CLIP1: variants seen among roughly 807,000 people sequenced by gnomAD.
CLIP1 encodes CAP-Gly domain containing linker protein 1, also known as CAP-Gly domain-containing linker protein 1.
A neutral mutation model predicts 161.6 loss-of-function variants in CLIP1; 66 were observed. The observed-to-expected ratio is 0.41, with a 90% CI of 0.33 to 0.50. The LOEUF is 0.50. Ranked by LOEUF, CLIP1 falls within the 20% of genes least tolerant of loss-of-function variation. The pLI is 0.27. For synonymous variants in CLIP1, 598 were observed against 626.2 expected (o/e 0.96, Z 0.67); for missense variants, 1,376 against 1,702.0 (o/e 0.81, Z 3.37).
intron 11 of CLIP1, 53 bp downstream of exon 11, chr12:122,340,700 C>A: frequency 7.0e-7 from 1 of 1,424,270 alleles, no homozygotes. Context: ...TAACATAATG[C>A]AAAACAAGAA....
chr12:122,364,566 T>TG (rs1954033065), intron 3 of CLIP1, among the ~76,000 whole-genome samples: 1 of 151,644 alleles, frequency 6.6e-6, no homozygotes, highest in African/African-American at 2.4e-5. Flanking sequence ...CCAAACAGGC[T>TG]ATTTTTTTTT....
At chr12:122,384,648 C>A (rs1955157967) in intron 1 of CLIP1, among the ~76,000 whole-genome samples, 1 of 151,936 alleles carries the variant, frequency 6.6e-6, no homozygotes, top group Non-Finnish European at 1.5e-5. Context: ...GTAATCCCAG[C>A]TACTCAGGAG....
At chr12:122,320,710 C>A (rs992633113) in intron 17 of CLIP1, among the ~76,000 whole-genome samples, 41 of 150,188 alleles carry the variant, frequency 2.7e-4, no homozygotes, top group African/African-American at 7.3e-4. Context: ...GGTGACAGAG[C>A]GAGACTCTTT....
chr12:122,354,663 C>T (rs1953241650), intron 6 of CLIP1, 107 bp from the exon 7 acceptor site: 3 of 787,740 alleles, frequency 3.8e-6, no homozygotes, highest in East Asian at 2.6e-5. Flanking sequence ...GGGCGTTACT[C>T]TAAAACCTTA....
rs781262309 is a variant in CLIP1, at chr12:122,274,136, C to T, written c.3993G>A (p.Val1331=). 6.2e-7 allele frequency: 1 copy of T among 1,600,484 alleles called. No homozygotes were observed. Among genetic ancestry groups the T allele is most frequent in the East Asian group, 2.2e-5 (1 of 44,804 alleles). ...GGTCTTGATTCTTCCTTTGAAGGTCCACTATTACTGAATTTAGGAAATCAA... is the reference window on the plus strand; with the variant it reads ...GGTCTTGATTCTTCCTTTGAAGGTCTACTATTACTGAATTTAGGAAATCAA... The part of the protein sequence containing the change: ...SQIDFLNSVI[V]DLQRKNQDLK... The change falls in exon 25 of 26, where the codon GTG becomes GTA. Residue 1331 remains valine (V), a synonymous_variant. Transcript: ENST00000620786.
intron 20 of CLIP1, among the ~76,000 whole-genome samples, chr12:122,293,509 G>A (rs1198580189): frequency 6.6e-6 from 1 of 150,860 alleles, no homozygotes; most frequent in Non-Finnish European, 1.5e-5. Context: ...ACGGAGTTTC[G>A]CTCTTGTTGC....
chr12:122,399,495 T>C (rs1482976749), intron 1 of CLIP1: 1 of 152,186 alleles, frequency 6.6e-6, no homozygotes, highest in African/African-American at 2.4e-5. Flanking sequence ...GGCATCACGT[T>C]GCCCCAAGAA....
intron 5 of CLIP1, chr12:122,360,705 A>C (rs1953735993): frequency 4.6e-6 from 2 of 430,222 alleles, no homozygotes; most frequent in South Asian, 3.7e-5. Context: ...ATACAGATTC[A>C]CCAAGAACAC....
chr12:122,303,093 T>C (rs892250291), intron 20 of CLIP1, among the ~76,000 whole-genome samples: 1 of 152,230 alleles, frequency 6.6e-6, no homozygotes, highest in Admixed American at 6.5e-5. Context: ...TATTTAGTAG[T>C]CTTGATCTGG....
At chr12:122,397,923 C>G (rs1344368479) in intron 1 of CLIP1, among the ~76,000 whole-genome samples, 3 of 151,590 alleles carry the variant, frequency 2.0e-5, no homozygotes, top group Non-Finnish European at 4.4e-5. Context: ...CCACTGCACT[C>G]CAGCCTGGGC....
At chr12:122,405,150 T>A (rs1447005817) in intron 1 of CLIP1, among the ~76,000 whole-genome samples, 1 of 152,238 alleles carries the variant, frequency 6.6e-6, no homozygotes. Context: ...ATTCCTGTCA[T>A]GACTATTTAT....
In CLIP1 at chr12:122,355,896, A is replaced by C. The variant is rs910203447; in HGVS notation, c.1006-584T>G. The C allele has an allele frequency of 1.3e-5, 2 of 152,478 alleles. No individual in the cohort carries two copies. Among genetic ancestry groups the C allele is most frequent in the African/African-American group, 4.8e-5 (2 of 41,446 alleles). The allele number at this position is 152,478 out of a possible 1,614,324, so 9.4% of individuals were successfully genotyped here. ...CGCGCCAAAGGCCATCTGCTCAGCC[A>C]CTGCTGGCTCCAGATCAAGTCAGCC... On this transcript the variant is annotated intron_variant, in intron 5 of 25. Coordinates refer to ENST00000620786, the MANE Select transcript of CLIP1 (RefSeq NM_001247997.2). This position sits in a 1 kb window ranked among gnomAD's most constrained non-coding sequence, Gnocchi z 4.1.
intron 20 of CLIP1, among the ~76,000 whole-genome samples, chr12:122,296,645 G>T (rs1449795159): frequency 4.6e-5 from 7 of 151,756 alleles, no homozygotes; most frequent in African/African-American, 1.7e-4. Context: ...TATTTCTTTG[G>T]AAATAAAAAA....
At chr12:122,388,477 C>T (rs1955430307) in intron 1 of CLIP1, among the ~76,000 whole-genome samples, 1 of 152,174 alleles carries the variant, frequency 6.6e-6, no homozygotes, top group South Asian at 2.1e-4. Flanking sequence ...CCTCGGCCTC[C>T]TAAAGTGCTG....
chr12:122,365,551 A>C, intron 3 of CLIP1: 1 of 1,150,028 alleles, frequency 8.7e-7, no homozygotes, highest in Non-Finnish European at 1.3e-6. Flanking sequence ...AGCCTGCTCC[A>C]CCCAGAGAAG....
chr12:122,378,301 G>A (rs1954843541), intron 2 of CLIP1, among the ~76,000 whole-genome samples: 2 of 152,102 alleles, frequency 1.3e-5, no homozygotes, highest in Non-Finnish European at 2.9e-5. Context: ...TGGCCAGGCT[G>A]GTCTCAAACT....
intron 24 of CLIP1, chr12:122,275,888 A>G (rs1325147468): frequency 6.6e-6 from 1 of 152,188 alleles, no homozygotes; most frequent in Non-Finnish European, 1.5e-5. Flanking sequence ...AGGCACGCCA[A>G]CAAGGCGGTG....
chr12:122,278,035 A>G (rs1955501791), intron 24 of CLIP1, 119 bp downstream of exon 24: 7 of 838,518 alleles, frequency 8.3e-6, no homozygotes, highest in Non-Finnish European at 7.8e-6. Context: ...AGAGGAATGC[A>G]TTACCAATTC....
chr12:122,412,958 ATC>A, intron 1 of CLIP1, among the ~76,000 whole-genome samples: 1 of 152,200 alleles, frequency 6.6e-6, no homozygotes, highest in East Asian at 1.9e-4. Flanking sequence ...CAAGCTACGT[ATC>A]CCTTTCAACA....
Sources: allele counts gnomAD v4.1 joint callset (sites outside exome capture counted in the v4.1 genomes callset), GRCh38; gene constraint gnomAD v4.1.1; non-coding constraint Gnocchi (gnomAD v3.1); transcripts MANE v1.5; gene names NCBI Gene and HGNC (gene_info 2026-07-23, HGNC 2026-07-21).